The following DPH6 variants were observed in gnomAD, a reference collection of about 807,000 sequenced individuals.
The protein encoded by DPH6 is diphthamine biosynthesis 6.
DPH6 carries 33 observed loss-of-function variants against 38.2 expected under a neutral mutation model. That is an observed-to-expected ratio of 0.86 (90% CI 0.65 to 1.15). The LOEUF is 1.15. DPH6 is among the 50% of genes most tolerant of loss of function. The pLI, the probability that DPH6 is intolerant of heterozygous loss-of-function variation, is 0.00. For synonymous variants in DPH6, 108 were observed against 103.0 expected (o/e 1.05, Z -0.30); for missense variants, 325 against 320.0 (o/e 1.02, Z -0.12).
At chr15:35,167,493 T>C in the DPH6 span, among the ~76,000 whole-genome samples, 2 of 151,736 alleles carry the variant, frequency 1.3e-5, no homozygotes, top group South Asian at 4.1e-4. Context: ...AGAAAATTCA[T>C]TGACCGTAGC....
At chr15:35,203,256 G>C in the DPH6 span, among the ~76,000 whole-genome samples, 4 of 151,502 alleles carry the variant, frequency 2.6e-5, no homozygotes, top group African/African-American at 9.7e-5. Flanking sequence ...AAATTCATTT[G>C]AGCAATTTGT....
At chr15:35,233,216 G>A (rs1459188884) in intron 3 of DPH6, among the ~76,000 whole-genome samples, 1 of 152,170 alleles carries the variant, frequency 6.6e-6, no homozygotes, top group Non-Finnish European at 1.5e-5. Flanking sequence ...ATCTGAGGCA[G>A]TAGAATCACT....
rs572924652 is a variant in DPH6, at chr15:35,503,839, A to T, written c.312+34435T>A. On this transcript the variant is annotated intron_variant, in intron 3 of 8. Coordinates refer to ENST00000256538, the MANE Select transcript of DPH6 (RefSeq NM_080650.4). ...AGAGGAAACAAAGGCACAGAGAGGTAAAGTAACTTGTCCAAAGTTACAAAG... is the reference window on the plus strand; with the variant it reads ...AGAGGAAACAAAGGCACAGAGAGGTTAAGTAACTTGTCCAAAGTTACAAAG... Among the ~76,000 whole-genome samples, 138 of 152,254 alleles carry T rather than the reference A, an allele frequency of 9.1e-4. 1 individual carries two copies. Among genetic ancestry groups the T allele is most frequent in the African/African-American group, 3.2e-3 (132 of 41,578 alleles).
intron 5 of DPH6, among the ~76,000 whole-genome samples, chr15:35,423,796 T>C (rs2053535794): frequency 6.6e-6 from 1 of 151,702 alleles, no homozygotes; most frequent in South Asian, 2.1e-4. Flanking sequence ...TAGATATGGA[T>C]AATTTTCCTG....
intron 3 of DPH6, among the ~76,000 whole-genome samples, chr15:35,470,981 G>C (rs2054191478): frequency 6.6e-6 from 1 of 151,938 alleles, no homozygotes; most frequent in South Asian, 2.1e-4. Context: ...AAAAAATAGA[G>C]AAATAGAAGA....
intron 7 of DPH6, among the ~76,000 whole-genome samples, chr15:35,376,433 A>G (rs1295812366): frequency 6.6e-6 from 1 of 152,136 alleles, no homozygotes; most frequent in African/African-American, 2.4e-5. Context: ...GTGGTGCCAT[A>G]AGATCATAAT....
intron 6 of DPH6, 31 bp downstream of exon 6, chr15:35,410,804 C>A: frequency 6.4e-7 from 1 of 1,556,370 alleles, no homozygotes; most frequent in Non-Finnish European, 8.7e-7. Context: ...CTTTAGATGG[C>A]TACATTTTGA....
intron 3 of DPH6, among the ~76,000 whole-genome samples, chr15:35,264,371 C>T (rs1197668204): frequency 2.0e-5 from 3 of 152,066 alleles, no homozygotes; most frequent in Non-Finnish European, 4.4e-5. Flanking sequence ...ATTTTCAAAG[C>T]TTTTCTCAGA....
chr15:35,374,235 G>A (rs997576901), intron 7 of DPH6, among the ~76,000 whole-genome samples: 1 of 151,978 alleles, frequency 6.6e-6, no homozygotes, highest in African/African-American at 2.4e-5. Context: ...GAATAACTAA[G>A]ATTATGTGTA....
At chr15:35,226,756 CA>C (rs2051484516) in intron 3 of DPH6, among the ~76,000 whole-genome samples, 2 of 152,112 alleles carry the variant, frequency 1.3e-5, no homozygotes, top group African/African-American at 4.8e-5. Flanking sequence ...TCAGACTACC[CA>C]AAGCAATCTA....
At chr15:35,297,476 G>C (rs548645072) in intron 3 of DPH6, among the ~76,000 whole-genome samples, 39 of 151,842 alleles carry the variant, frequency 2.6e-4, no homozygotes, top group Non-Finnish European at 5.0e-4. Flanking sequence ...AGCAGCATTT[G>C]TCCCTTGACC....
At chr15:35,194,998 T>C in the DPH6 span, among the ~76,000 whole-genome samples, 9 of 152,246 alleles carry the variant, frequency 5.9e-5, no homozygotes, top group African/African-American at 1.2e-4. Context: ...TATTGACCTA[T>C]TGAACACCAG....
At chr15:35,219,649 CAGTG>C (rs1355718734) in exon 4 of DPH6, 1 of 152,060 alleles carries the variant, frequency 6.6e-6, no homozygotes, top group African/African-American at 2.4e-5. Context: ...TGTCATGTTG[CAGTG>C]AGTAATAAAA....
At chr15:35,469,649 T>G (rs1367063201) in intron 3 of DPH6, among the ~76,000 whole-genome samples, 1 of 152,106 alleles carries the variant, frequency 6.6e-6, no homozygotes, top group Non-Finnish European at 1.5e-5. Flanking sequence ...ATGGGGAAGA[T>G]GTTGAGTGCC....
Position 35,450,206 on chromosome 15 carries a change from CTATT to C in DPH6, c.505+475_505+478del, listed in dbSNP as rs2053914352. On this transcript the variant is annotated intron_variant, in intron 5 of 8. Coordinates refer to ENST00000256538, the MANE Select transcript of DPH6 (RefSeq NM_080650.4). ...ACCATCCCCAACAAAAACCAGTACC[CTATT>C]TATTTTTTATAACAAAAACAAAACC... is the stretch of plus-strand genomic sequence containing the variant. 3.3e-5 allele frequency among the ~76,000 whole-genome samples: 5 copies of C among 152,118 alleles called. No individual in the cohort carries two copies. The South Asian group carries it at 1.0e-3, about 32-fold the overall frequency.
chr15:35,352,624 G>C (rs938306984), intron 3 of DPH6, among the ~76,000 whole-genome samples: 3 of 152,130 alleles, frequency 2.0e-5, no homozygotes, highest in African/African-American at 7.2e-5. Flanking sequence ...CATTTTTTAT[G>C]GCTGCATAGT....
chr15:35,250,143 A>T (rs1166827831), intron 3 of DPH6, among the ~76,000 whole-genome samples: 1 of 152,048 alleles, frequency 6.6e-6, no homozygotes, highest in Non-Finnish European at 1.5e-5. Context: ...GCGCCACTGC[A>T]CTCCAGCCTG....
chr15:35,282,779 CA>C, intron 3 of DPH6: 4 of 337,874 alleles, frequency 1.2e-5, no homozygotes, highest in Non-Finnish European at 6.2e-6. Context: ...TCATCCCTTC[CA>C]AAAAATCCAG....
chr15:35,314,261 A>C (rs2052168784), intron 3 of DPH6, among the ~76,000 whole-genome samples: 1 of 152,174 alleles, frequency 6.6e-6, no homozygotes. Context: ...GCATTGTTGA[A>C]ATTTGCCATT....
Sources: gnomAD v4.1 joint callset for allele counts (sites outside exome capture counted in the v4.1 genomes callset) on GRCh38, gnomAD v4.1.1 for gene constraint, MANE v1.5 for transcripts, NCBI Gene and HGNC (gene_info 2026-07-23, HGNC 2026-07-21) for gene names.